Variants in PER2 observed in about 807,000 individuals in gnomAD.
PER2 encodes period circadian regulator 2, also known as period circadian protein homolog 2.
A neutral mutation model predicts 121.0 loss-of-function variants in PER2; 66 were observed. That is an observed-to-expected ratio of 0.55 (90% CI 0.45 to 0.67). The LOEUF is 0.67. PER2 is among the 30% of genes least tolerant of loss of function. The pLI, the probability that PER2 is intolerant of heterozygous loss-of-function variation, is 0.00. For missense variants in PER2, 1,521 were observed against 1,635.0 expected, an observed-to-expected ratio of 0.93 and a Z score of 1.20; for synonymous variants, 684 against 659.9, an observed-to-expected ratio of 1.04 and a Z score of -0.56.
chr2:238,260,508 G>C (rs551319099), intron 13 of PER2, among the ~76,000 whole-genome samples: 9 of 152,088 alleles, frequency 5.9e-5, no homozygotes, highest in Non-Finnish European at 1.3e-4. Context: ...CGCCTGCCTC[G>C]GCCTTCCAAA....
In PER2 at chr2:238,271,352, G is replaced by A; in HGVS notation, c.732C>T (p.Ser244=). Residue 244 remains serine (S), a synonymous_variant, in exon 6 of 23, where the codon TCC becomes TCT. Coordinates refer to ENST00000254657, the MANE Select transcript of PER2 (RefSeq NM_022817.3). ...HDVGVFHSFT[S]PYKLPLWSMC... is the part of the protein sequence containing the mutation. ...TGCTCCACAAGGGAAGCTTGTACGG[G>A]GAGGTGAAACTGTGGAACACGCCCA... 6.2e-7 allele frequency: 1 copy of A among 1,614,208 alleles called. No individual in the cohort carries two copies. The highest frequency in any genetic ancestry group is 1.3e-5 in the African/African-American group (1 of 75,060).
chr2:238,248,950 C>T (rs543705267), intron 22 of PER2, 112 bp downstream of exon 22: 9 of 1,223,922 alleles, frequency 7.4e-6, no homozygotes, highest in African/African-American at 2.9e-5. Context: ...CCACCGCGCC[C>T]GGCCTAATTT....
intron 1 of PER2, among the ~76,000 whole-genome samples, chr2:238,279,384 C>T (rs1485580230): frequency 6.6e-6 from 1 of 152,206 alleles, no homozygotes; most frequent in Non-Finnish European, 1.5e-5. Flanking sequence ...TTCTACGGAG[C>T]AGCCAACAGG....
chr2:238,286,806 T>C (rs1696802902), intron 1 of PER2, among the ~76,000 whole-genome samples: 1 of 152,248 alleles, frequency 6.6e-6, no homozygotes, highest in Admixed American at 6.5e-5. Context: ...AACAGCAGTG[T>C]GACTACCAGT....
intron 4 of PER2, among the ~76,000 whole-genome samples, chr2:238,274,431 T>G (rs117224336): frequency 5.3e-5 from 8 of 152,260 alleles, no homozygotes. Flanking sequence ...GGGTCTCATA[T>G]GCTTTCAGTT....
chr2:238,257,010 C>T lies in PER2; in HGVS notation c.1977G>A (p.Lys659=), dbSNP rs1463072700. 3 of 1,613,622 alleles carry T rather than the reference C, an allele frequency of 1.9e-6. No individual in the cohort carries two copies. The Admixed American group carries it at 5.0e-5, about 27-fold the overall frequency. The part of the protein sequence containing the change: ...THLTSLALPG[K]AESVASLTSQ... ...TGGTGAGCGACGCCACACTCTCTGC[C>T]TTGCCCGGCAGTGCCAGCGAGGTCA... Residue 659 remains lysine, a synonymous_variant, in exon 17 of 23, where the codon AAG becomes AAA. Coordinates refer to ENST00000254657, the MANE Select transcript of PER2 (RefSeq NM_022817.3).
chr2:238,281,006 CTTT>C (rs200445345), intron 1 of PER2, among the ~76,000 whole-genome samples: 29 of 143,462 alleles, frequency 2.0e-4, no homozygotes, highest in South Asian at 2.2e-4. Flanking sequence ...AATGTTTACA[CTTT>C]TTTTTTTTTT....
intron 18 of PER2, chr2:238,254,923 G>C (rs1489899388): frequency 6.6e-6 from 1 of 152,200 alleles, no homozygotes; most frequent in Non-Finnish European, 1.5e-5. Flanking sequence ...GGGGGAGCTG[G>C]GTCCTTGTGG....
chr2:238,255,348 G>A (rs972450382), intron 18 of PER2: 4 of 473,736 alleles, frequency 8.4e-6, no homozygotes, highest in Non-Finnish European at 1.5e-5. Flanking sequence ...CGTCCAGGTG[G>A]GGCCCCTGCC....
At chr2:238,255,494 G>A in intron 18 of PER2, 163 bp downstream of exon 18, 1 of 774,588 alleles carries the variant, frequency 1.3e-6, no homozygotes, top group Non-Finnish European at 2.2e-6. Flanking sequence ...CCGGTGGGAA[G>A]TTCTACAGAA....
At chr2:238,264,448 A>T (rs1466091025) in intron 9 of PER2, among the ~76,000 whole-genome samples, 2 of 152,098 alleles carry the variant, frequency 1.3e-5, no homozygotes, top group Admixed American at 1.3e-4. Context: ...CCTGACTCCA[A>T]GGATGGGGGC....
At chr2:238,248,517 G>C (rs1471161236) in intron 22 of PER2, among the ~76,000 whole-genome samples, 3 of 152,018 alleles carry the variant, frequency 2.0e-5, no homozygotes, top group Non-Finnish European at 4.4e-5. Context: ...TTGAAAGAAA[G>C]AAAAAACAGA....
intron 1 of PER2, among the ~76,000 whole-genome samples, chr2:238,280,645 G>A (rs1205699832): frequency 7.9e-5 from 12 of 152,150 alleles, no homozygotes; most frequent in East Asian, 1.9e-4. Flanking sequence ...TAGGAGATGC[G>A]TGACAGACTT....
Position 238,277,532 on chromosome 2 carries a change from G to C in PER2, c.230+175C>G, listed in dbSNP as rs768762179. 3.9e-5 allele frequency among the ~76,000 whole-genome samples: 6 copies of C among 152,202 alleles called. No homozygotes were observed. In the South Asian group the frequency reaches 1.2e-3, roughly 31 times the overall value. ...TGTTGGCAACTGGATCTGCGAACTCGACAGGGCCTCGTTATGAGGAAGGAC... is the reference window on the plus strand; with the variant it reads ...TGTTGGCAACTGGATCTGCGAACTCCACAGGGCCTCGTTATGAGGAAGGAC... On this transcript the variant is annotated intron_variant, in intron 2 of 22. Transcript: ENST00000254657.
intron 9 of PER2, among the ~76,000 whole-genome samples, chr2:238,263,559 C>T (rs1696000459): frequency 6.7e-6 from 1 of 150,332 alleles, no homozygotes; most frequent in African/African-American, 2.5e-5. Flanking sequence ...GGGCCTCTGC[C>T]CTTTGAGCTC....
intron 18 of PER2, chr2:238,254,998 GC>G (rs1695718698): frequency 6.6e-6 from 1 of 151,292 alleles, no homozygotes; most frequent in Non-Finnish European, 1.4e-5. Context: ...AAGGGAAGAG[GC>G]CCCATCTCTA....
chr2:238,296,995 C>T, the PER2 span, among the ~76,000 whole-genome samples: 606 of 152,298 alleles, frequency 4.0e-3, 5 homozygotes, highest in African/African-American at 0.014. Context: ...TGGGCACTGC[C>T]GGGCTGGAGC....
At chr2:238,286,951 C>T (rs1696807796) in intron 1 of PER2, among the ~76,000 whole-genome samples, 2 of 152,232 alleles carry the variant, frequency 1.3e-5, no homozygotes, top group Admixed American at 1.3e-4. Context: ...TCAGAAGCCT[C>T]TGTCTCCTGC....
In PER2 at chr2:238,244,234, A is replaced by C. The variant is rs575111836; in HGVS notation, c.*2141T>G. ...AGCTTATTTACATATCTCTTCGGGA[A>C]TATATTAAAAAGAAGGCTCAGTTTA... On this transcript the variant is annotated 3_prime_UTR_variant, in exon 23 of 23. Coordinates refer to ENST00000254657, the MANE Select transcript of PER2 (RefSeq NM_022817.3). The C allele has an allele frequency of 2.0e-4, 30 of 152,698 alleles. 1 individual carries two copies. The highest frequency in any genetic ancestry group is 6.7e-4 in the African/African-American group (28 of 41,584). The allele number at this position is 152,698 out of a possible 1,614,324, so 9.5% of individuals were successfully genotyped here.
Sources: gnomAD v4.1 joint callset for allele counts (sites outside exome capture counted in the v4.1 genomes callset) on GRCh38, gnomAD v4.1.1 for gene constraint, MANE v1.5 for transcripts, NCBI Gene and HGNC (gene_info 2026-07-23, HGNC 2026-07-21) for gene names.